The following ARHGEF15 variants were observed in gnomAD, a reference collection of about 807,000 sequenced individuals.
ARHGEF15 encodes Rho guanine nucleotide exchange factor (GEF) 15.
In ARHGEF15, 58 loss-of-function variants were observed where a neutral mutation model predicts 79.7. That is an observed-to-expected ratio of 0.73 (90% CI 0.59 to 0.91). The LOEUF (loss-of-function observed/expected upper bound fraction) is 0.91, where lower values mean the gene tolerates loss of function less well. Ranked by LOEUF, ARHGEF15 falls within the 40% of genes least tolerant of loss-of-function variation. The pLI is 0.00. For synonymous variants in ARHGEF15, 442 were observed against 456.0 expected (o/e 0.97, Z 0.39); for missense variants, 1,012 against 1,108.1 (o/e 0.91, Z 1.23).
chr17:8,316,083 C>T lies in ARHGEF15; in HGVS notation c.1639C>T (p.Leu547Phe), dbSNP rs1286233579. ...RLQSLPKCER[L>F]PLPSFLLLPF... Reference sequence around the variant, plus strand: ...GCAGAGCCTCCCTAAGTGTGAGCGGCTCCCGCTGCCGTCCTTCCTGCTACT... The same window carrying T: ...GCAGAGCCTCCCTAAGTGTGAGCGGTTCCCGCTGCCGTCCTTCCTGCTACT... Residue 547 changes from leucine to phenylalanine, a missense_variant, in exon 9 of 16, where the codon CTC becomes TTC. Leu to Phe is a conservative substitution (Grantham distance 22). This residue lies in a region of ARHGEF15 where 818 missense variants were observed against 882.5 expected (regional missense o/e 0.93). Transcript: ENST00000361926. 6.2e-7 allele frequency: 1 copy of T among 1,603,028 alleles called. No individual in the cohort carries two copies.
At position 8,315,402 on chromosome 17, in the gene ARHGEF15, T is replaced by C. The variant is rs773950629; in HGVS notation, c.1261-12T>C. On this transcript the variant is annotated splice_polypyrimidine_tract_variant and intron_variant, in intron 6 of 15. Coordinates refer to ENST00000361926, the MANE Select transcript of ARHGEF15 (RefSeq NM_173728.4). The surrounding 1 kb of genome is among the most constrained non-coding windows in gnomAD (Gnocchi z 4.3). ...AACTGGGCTTCCCACGACTGCCTGC[T>C]TTTCTTTCTAGAGTCTTTTCGAGGT... 1 of 1,613,868 alleles carries C rather than the reference T, an allele frequency of 6.2e-7. No homozygotes were observed. Among genetic ancestry groups the C allele is most frequent in the East Asian group, 2.2e-5 (1 of 44,860 alleles).
In ARHGEF15 at chr17:8,318,402, A is replaced by G; in HGVS notation, c.1720A>G (p.Thr574Ala). ...RMLLQNILRQ[T>A]EEGSSRQENA... is the part of the protein sequence containing the mutation. The stretch of plus-strand genomic sequence containing the variant: ...TTGTCCCCAGAATATCCTGCGCCAG[A>G]CAGAAGAGGGGTCCAGCCGTCAGGA... Residue 574 changes from threonine to alanine, a missense_variant, in exon 10 of 16, where the codon ACA (threonine) becomes GCA (alanine). Around this residue, in one of 3 missense-constraint regions of ARHGEF15, gnomAD observed 818 missense variants for 882.5 expected, o/e 0.93. Transcript: ENST00000361926. This position sits in a 1 kb window ranked among gnomAD's most constrained non-coding sequence, Gnocchi z 5.0. 1 of 1,613,938 alleles carries G rather than the reference A, an allele frequency of 6.2e-7. No homozygotes were observed. The highest frequency in any genetic ancestry group is 8.5e-7 in the Non-Finnish European group (1 of 1,179,998).
chr17:8,314,758 A>AAC, intron 4 of ARHGEF15, 148 bp from the exon 5 acceptor site: 1 of 807,178 alleles, frequency 1.2e-6, no homozygotes, highest in Non-Finnish European at 1.8e-6. Context: ...AAAAAAAAAA[A>AAC]AAAAAGCCTG....
chr17:8,321,162 C>T lies in ARHGEF15; in HGVS notation c.*169C>T. ...AGCCAATGAAAACGGCCGCCTGAAC[C>T]CACAGCAATAAGAATGAATGAGGAT... On this transcript the variant is annotated 3_prime_UTR_variant, in exon 16 of 16. Transcript: ENST00000361926. 1 of 863,348 alleles carries T rather than the reference C, an allele frequency of 1.2e-6. No individual in the cohort carries two copies. Among genetic ancestry groups the T allele is most frequent in the Non-Finnish European group, 1.7e-6 (1 of 571,650 alleles). 53.5% of individuals were successfully genotyped at this position (863,348 alleles called of 1,614,324 possible). A position where few individuals can be genotyped will look rare whatever the true frequency, so the allele number is the denominator to read the frequency against.
Position 8,312,380 on chromosome 17 carries a change from C to T in ARHGEF15, c.341C>T (p.Pro114Leu), listed in dbSNP as rs770188779. The T allele has an allele frequency of 6.2e-7, 1 of 1,608,996 alleles. No individual in the cohort carries two copies. The highest frequency in any genetic ancestry group is 1.3e-5 in the African/African-American group (1 of 74,760). Residue 114 changes from proline to leucine, a missense_variant, in exon 2 of 16, where the codon CCC becomes CTC. This residue lies in a region of ARHGEF15 where 818 missense variants were observed against 882.5 expected (regional missense o/e 0.93). Coordinates refer to ENST00000361926, the MANE Select transcript of ARHGEF15 (RefSeq NM_173728.4). ...SRRSASPEPA[P>L]RSPVPPPKPS... ...CGCTCCGCCTCCCCAGAACCTGCTC[C>T]CCGGTCTCCAGTCCCCCCACCCAAG...
At position 8,313,124 on chromosome 17, in the gene ARHGEF15, C is replaced by T; in HGVS notation, c.804C>T (p.Ser268=). 6.2e-7 allele frequency: 1 copy of T among 1,613,452 alleles called. No homozygotes were observed. The highest frequency in any genetic ancestry group is 8.5e-7 in the Non-Finnish European group (1 of 1,179,978). Residue 268 remains serine (S), a synonymous_variant, in exon 3 of 16, where the codon TCC becomes TCT. Transcript: ENST00000361926. ...CCGTTGTCCTCACATCCTACCGCTC[C>T]ACTGCTGAGCGCAAACTCCTGCCAC... ...HPAVVLTSYR[S]TAERKLLPLL...
Position 8,321,919 on chromosome 17 carries a change from G to A in ARHGEF15, c.*926G>A, listed in dbSNP as rs1460342640. Reference sequence around the variant, plus strand: ...GGGACTGAAGATGGCCAGTAGCTGGGTCCTGAGGCCCCTGAAGTCTGCAGA... The same window carrying A: ...GGGACTGAAGATGGCCAGTAGCTGGATCCTGAGGCCCCTGAAGTCTGCAGA... On this transcript the variant is annotated 3_prime_UTR_variant, in exon 16 of 16. Coordinates refer to ENST00000361926, the MANE Select transcript of ARHGEF15 (RefSeq NM_173728.4). The A allele has an allele frequency of 2.0e-5, 3 of 152,592 alleles. No individual in the cohort carries two copies. The highest frequency in any genetic ancestry group is 2.9e-5 in the Non-Finnish European group (2 of 68,076). The allele number at this position is 152,592 out of a possible 1,614,324, so 9.5% of individuals were successfully genotyped here. A position where few individuals can be genotyped will look rare whatever the true frequency, so the allele number is the denominator to read the frequency against.
At chr17:8,316,458 G>T (rs1394574504) in intron 9 of ARHGEF15, among the ~76,000 whole-genome samples, 1 of 152,190 alleles carries the variant, frequency 6.6e-6, no homozygotes, top group Non-Finnish European at 1.5e-5. Context: ...AGTCCCTTCT[G>T]CTCGCTGGGT....
rs769480435 is a variant in ARHGEF15, at chr17:8,316,050, C to T, written c.1606C>T (p.Arg536Cys). Reference sequence around the variant, plus strand: ...CAACGTGCGCTTCTCCGCCGAGCTGCGCCGGCTGCAGAGCCTCCCTAAGTG... The same window carrying T: ...CAACGTGCGCTTCTCCGCCGAGCTGTGCCGGCTGCAGAGCCTCCCTAAGTG... ...DTNVRFSAELRRLQSLPKCER... is the reference protein window; with the variant it reads ...DTNVRFSAELCRLQSLPKCER... Residue 536 changes from arginine (R) to cysteine (C), a missense_variant, in exon 9 of 16, where the codon CGC becomes TGC. Coordinates refer to ENST00000361926, the MANE Select transcript of ARHGEF15 (RefSeq NM_173728.4). 5.0e-6 allele frequency: 8 copies of T among 1,603,300 alleles called. No individual in the cohort carries two copies. The highest frequency in any genetic ancestry group is 1.3e-5 in the African/African-American group (1 of 74,910).
intron 9 of ARHGEF15, among the ~76,000 whole-genome samples, chr17:8,317,139 A>G (rs1239255582): frequency 6.6e-6 from 1 of 151,904 alleles, no homozygotes; most frequent in Non-Finnish European, 1.5e-5. Context: ...GTCTCCCAAT[A>G]TGGGGATCTT....
rs761174975 is a variant in ARHGEF15, at chr17:8,312,458, AG to A, written c.420del (p.Asn141MetfsTer41). On this transcript the variant is annotated frameshift_variant, in exon 2 of 16. Coordinates refer to ENST00000361926, the MANE Select transcript of ARHGEF15 (RefSeq NM_173728.4). LOFTEE classifies it high-confidence loss of function. ...PLLPMAGVLA[Q>X]NGSASAPGTV... ...CTCCCCATGGCTGGAGTCCTGGCTCAGAATGGCTCTGCCTCAGCTCCTGGCA... is the reference window on the plus strand; with the variant it reads ...CTCCCCATGGCTGGAGTCCTGGCTCAAATGGCTCTGCCTCAGCTCCTGGCA... The A allele has an allele frequency of 2.5e-6, 4 of 1,613,746 alleles. No homozygotes were observed. In the East Asian group the frequency reaches 8.9e-5, roughly 36 times the overall value.
chr17:8,311,712 C>A (rs1904630473), intron 1 of ARHGEF15, among the ~76,000 whole-genome samples: 1 of 151,620 alleles, frequency 6.6e-6, no homozygotes, highest in Admixed American at 6.6e-5. Context: ...CTCCACTCTC[C>A]CCCTGCACAC....
chr17:8,319,471 C>CTAA, intron 14 of ARHGEF15, 28 bp from the exon 15 acceptor site: 1 of 1,588,920 alleles, frequency 6.3e-7, no homozygotes, highest in Non-Finnish European at 8.6e-7. Context: ...TAAACAGAAT[C>CTAA]ACTTTAATGT....
intron 13 of ARHGEF15, 32 bp from the exon 14 acceptor site, chr17:8,319,280 C>G (rs1905222981): frequency 6.2e-7 from 1 of 1,610,222 alleles, no homozygotes; most frequent in Non-Finnish European, 8.5e-7. Context: ...ATCTTTTGGG[C>G]CAACTGTGAC....
chr17:8,315,216 C>G lies in ARHGEF15; in HGVS notation c.1199C>G (p.Pro400Arg). 1 of 1,613,706 alleles carries G rather than the reference C, an allele frequency of 6.2e-7. No individual in the cohort carries two copies. The highest frequency in any genetic ancestry group is 8.5e-7 in the Non-Finnish European group (1 of 1,179,920). The change falls in exon 6 of 16, where the codon CCG becomes CGG. Residue 400 changes from proline to arginine, a missense_variant. Physicochemically the swap from Pro to Arg is moderately radical, Grantham distance 103 (BLOSUM62 -2). This residue lies in a region of ARHGEF15 where 818 missense variants were observed against 882.5 expected (regional missense o/e 0.93). Coordinates refer to ENST00000361926, the MANE Select transcript of ARHGEF15 (RefSeq NM_173728.4). The surrounding 1 kb of genome is among the most constrained non-coding windows in gnomAD (Gnocchi z 4.3). ...GPRNTLWQEL[P>R]AVQASGLLDT... ...CGCAACACCCTGTGGCAGGAGCTTC[C>G]GGCTGTGCAAGCCAGCGGTCTTCTG...
At chr17:8,313,455 G>C (rs1436393128) in intron 3 of ARHGEF15, 46 bp from the exon 4 acceptor site, 1 of 1,598,170 alleles carries the variant, frequency 6.3e-7, no homozygotes, top group East Asian at 2.2e-5. Context: ...TCCTGGCTGG[G>C]GATCCTGGAG....
chr17:8,320,780 C>T (rs1319931036), intron 15 of ARHGEF15, 62 bp from the exon 16 acceptor site: 15 of 1,548,614 alleles, frequency 9.7e-6, no homozygotes, highest in African/African-American at 1.4e-5. Flanking sequence ...ACGAGGCCCC[C>T]TTTGCCTCCT....
In ARHGEF15 at chr17:8,320,918, G is replaced by T; in HGVS notation, c.2451G>T (p.Arg817Ser). ...TCACAGGGGAACACGAAAGGAGGAG[G>T]CACCTTCGCCAGAACCAGAGGCTTC... ...CEVTGEHERR[R>S]HLRQNQRLLE... The change falls in exon 16 of 16, where the codon AGG (arginine) becomes AGT (serine). Residue 817 changes from arginine (R) to serine (S), a missense_variant. Physicochemically the swap from Arg to Ser is moderately radical, Grantham distance 110 (BLOSUM62 -1). Around this residue, in one of 3 missense-constraint regions of ARHGEF15, gnomAD observed 132 missense variants for 124.2 expected, o/e 1.06. Coordinates refer to ENST00000361926, the MANE Select transcript of ARHGEF15 (RefSeq NM_173728.4). 6.2e-7 allele frequency: 1 copy of T among 1,614,044 alleles called. No homozygotes were observed. The highest frequency in any genetic ancestry group is 8.5e-7 in the Non-Finnish European group (1 of 1,180,022).
At chr17:8,320,819 A>G in intron 15 of ARHGEF15, 23 bp from the exon 16 acceptor site, 4 of 1,610,320 alleles carry the variant, frequency 2.5e-6, no homozygotes, top group Non-Finnish European at 3.4e-6. Context: ...ACCTCATTGG[A>G]GCCTCTGTCT....
Sources: allele counts gnomAD v4.1 joint callset (sites outside exome capture counted in the v4.1 genomes callset), GRCh38; gene constraint gnomAD v4.1.1; regional missense constraint gnomAD v4.1.1; non-coding constraint Gnocchi (gnomAD v3.1); transcripts MANE v1.5; gene names NCBI Gene and HGNC (gene_info 2026-07-23, HGNC 2026-07-21).